USP8: variants seen among roughly 807,000 people sequenced by gnomAD.
USP8 encodes the protein ubiquitin carboxyl-terminal hydrolase 8.
A neutral mutation model predicts 130.0 loss-of-function variants in USP8; 27 were observed. The ratio of observed to expected loss-of-function variants is 0.21; its 90% CI spans 0.15 to 0.29. USP8 has a LOEUF of 0.29. Among genes scored for constraint, USP8 ranks in the 10% least tolerant of loss-of-function variants. The probability of loss-of-function intolerance (pLI) is 1.00; values close to 1 mark genes in which losing one functional copy is unlikely to be tolerated. For synonymous variants in USP8, 392 were observed against 444.1 expected, an observed-to-expected ratio of 0.88 and a Z score of 1.48; for missense variants, 1,029 against 1,312.2, an observed-to-expected ratio of 0.78 and a Z score of 3.33.
chr15:50,461,347 C>T (rs942523252), intron 5 of USP8, among the ~76,000 whole-genome samples: 1 of 151,272 alleles, frequency 6.6e-6, no homozygotes, highest in Non-Finnish European at 1.5e-5. Flanking sequence ...CCTGTAGTCC[C>T]AGCTACTCAG....
rs1472849583 is a variant in USP8 at position 50,507,333 on chromosome 15, T to G, written c.*8245T>G. ...ATCCAGTTCTATGCACTATATAACA[T>G]TTAGAACTCAGAAAAGGTGTATTTC... On this transcript the variant is annotated 3_prime_UTR_variant, in exon 20 of 20. Transcript: ENST00000307179. 1 of 152,176 alleles carries G rather than the reference T, an allele frequency of 6.6e-6. No homozygotes were observed. The highest frequency in any genetic ancestry group is 1.5e-5 in the Non-Finnish European group (1 of 68,036). 9.4% of individuals were successfully genotyped at this position (152,176 alleles called of 1,614,324 possible). A position where few individuals can be genotyped will look rare whatever the true frequency, so the allele number is the denominator to read the frequency against.
At position 50,441,519 on chromosome 15, in the gene USP8, T is replaced by G. The variant is rs2050260529; in HGVS notation, c.249+26T>G. On this transcript the variant is annotated intron_variant, in intron 3 of 19. Coordinates refer to ENST00000307179, the MANE Select transcript of USP8 (RefSeq NM_005154.5). ...GTACCTTTTATTTTTGCATTGTTAT[T>G]TCCTAAGTTATTTTGCATAATGGAG... The G allele has an allele frequency of 5.9e-6, 9 of 1,529,880 alleles. No homozygotes were observed. The East Asian group carries it at 2.1e-4, about 36-fold the overall frequency. The allele number at this position is 1,529,880 out of a possible 1,614,324, so 94.8% of individuals were successfully genotyped here. A position where few individuals can be genotyped will look rare whatever the true frequency, so the allele number is the denominator to read the frequency against.
At chr15:50,441,592 A>C (rs1378225162) in intron 3 of USP8, 99 bp downstream of exon 3, 1 of 1,000,210 alleles carries the variant, frequency 1.0e-6, no homozygotes, top group Non-Finnish European at 1.4e-6. Context: ...AATGTAGCTC[A>C]AATTATATGC....
chr15:50,510,115 T>C lies in USP8; in HGVS notation c.*11027T>C, dbSNP rs1466485992. On this transcript the variant is annotated 3_prime_UTR_variant, in exon 20 of 20. Coordinates refer to ENST00000307179, the MANE Select transcript of USP8 (RefSeq NM_005154.5). ...CGGAATTAGCCCAAATGTGAACAAA[T>C]TGACCAACAGACACACACAGCATAG... 2 of 152,170 alleles carry C rather than the reference T, an allele frequency of 1.3e-5. No individual in the cohort carries two copies. Among genetic ancestry groups the C allele is most frequent in the African/African-American group, 2.4e-5 (1 of 41,444 alleles). 9.4% of individuals were successfully genotyped at this position (152,170 alleles called of 1,614,324 possible).
intron 1 of USP8, among the ~76,000 whole-genome samples, chr15:50,434,716 A>T (rs1369745460): frequency 1.3e-5 from 2 of 151,950 alleles, no homozygotes; most frequent in African/African-American, 4.8e-5. Flanking sequence ...TCCTGGGTTC[A>T]AGTGATTTTT....
chr15:50,444,276 T>G (rs978770328), intron 3 of USP8, among the ~76,000 whole-genome samples: 1 of 151,788 alleles, frequency 6.6e-6, no homozygotes, highest in African/African-American at 2.4e-5. Context: ...GCCTAATTTT[T>G]GTATTTTTAG....
intron 1 of USP8, among the ~76,000 whole-genome samples, chr15:50,427,518 T>C (rs1432577176): frequency 6.6e-6 from 1 of 151,986 alleles, no homozygotes; most frequent in Non-Finnish European, 1.5e-5. Flanking sequence ...TGAAATATTA[T>C]ATTAAACTTA....
chr15:50,427,918 C>G (rs1567591240), intron 1 of USP8, among the ~76,000 whole-genome samples: 1 of 151,414 alleles, frequency 6.6e-6, no homozygotes, highest in Non-Finnish European at 1.5e-5. Flanking sequence ...AGTGCAGTGG[C>G]ATGACCTTGG....
At chr15:50,497,279 A>G in intron 18 of USP8, 48 bp downstream of exon 18, 1 of 1,553,844 alleles carries the variant, frequency 6.4e-7, no homozygotes, top group Non-Finnish European at 8.7e-7. Flanking sequence ...AAATGAGGGA[A>G]TTTTAAGTTC....
chr15:50,454,736 T>C (rs1343637599), intron 4 of USP8, among the ~76,000 whole-genome samples: 1 of 152,178 alleles, frequency 6.6e-6, no homozygotes, highest in Non-Finnish European at 1.5e-5. Context: ...ATTACAGATG[T>C]GAGCCACCAC....
chr15:50,427,690 G>A (rs1358184085), intron 1 of USP8, among the ~76,000 whole-genome samples: 1 of 151,116 alleles, frequency 6.6e-6, no homozygotes, highest in Non-Finnish European at 1.5e-5. Context: ...CTCCCGAGTA[G>A]CTGGGACTAT....
At chr15:50,431,737 A>G (rs2049937899) in intron 1 of USP8, among the ~76,000 whole-genome samples, 1 of 152,098 alleles carries the variant, frequency 6.6e-6, no homozygotes, top group Admixed American at 6.6e-5. Flanking sequence ...GCTCACTGCA[A>G]CCTCTGCCCC....
intron 3 of USP8, chr15:50,444,548 A>G (rs1004484015): frequency 2.0e-5 from 3 of 152,154 alleles, no homozygotes; most frequent in Non-Finnish European, 4.4e-5. Context: ...ACATTTAAAC[A>G]GATGAGATTT....
rs1414614941 is a variant in USP8 at position 50,492,705 on chromosome 15, ACATGTTATC to A, written c.2241_2249del (p.Cys748_Pro750del). On this transcript the variant is annotated inframe_deletion, in exon 15 of 20. Transcript: ENST00000307179. ...TGTATCCTTTTTCTTCCTCAGGCCA[ACATGTTATC>A]CTAAAGCTGAGATCTCAAGGCTTTC... 4 of 1,613,278 alleles carry A rather than the reference ACATGTTATC, an allele frequency of 2.5e-6. No homozygotes were observed. The highest frequency in any genetic ancestry group is 3.4e-6 in the Non-Finnish European group (4 of 1,179,976).
In USP8 at chr15:50,490,443, T is replaced by C. The variant is rs672601307; in HGVS notation, c.2152T>C (p.Ser718Pro). The stretch of plus-strand genomic sequence containing the variant: ...ACCTTCCAAACTGAAGCGCTCCTAC[T>C]CCTCCCCAGATATAACCCAGGCTAT... ...REPSKLKRSYSSPDITQAIQE... is the reference protein window; with the variant it reads ...REPSKLKRSYPSPDITQAIQE... Residue 718 changes from serine (S) to proline (P), a missense_variant, in exon 14 of 20, where the codon TCC (serine) becomes CCC (proline). Around this residue, in one of 4 missense-constraint regions of USP8, gnomAD observed 486 missense variants for 522.0 expected, o/e 0.93. Transcript: ENST00000307179. 1 of 1,614,074 alleles carries C rather than the reference T, an allele frequency of 6.2e-7. No individual in the cohort carries two copies. The highest frequency in any genetic ancestry group is 8.5e-7 in the Non-Finnish European group (1 of 1,180,014).
At chr15:50,490,547 G>A (rs2141317996) in intron 14 of USP8, 22 bp downstream of exon 14, 1 of 1,607,982 alleles carries the variant, frequency 6.2e-7, no homozygotes, top group South Asian at 1.1e-5. Context: ...TTAACTCCTA[G>A]AACTAAAATA....
chr15:50,503,500 A>G lies in USP8; in HGVS notation c.*4412A>G, dbSNP rs539540717. 4.6e-5 allele frequency: 7 copies of G among 152,346 alleles called. No homozygotes were observed. Among genetic ancestry groups the G allele is most frequent in the Admixed American group, 1.3e-4 (2 of 15,302 alleles). The allele number at this position is 152,346 out of a possible 1,614,324, so 9.4% of individuals were successfully genotyped here. A position where few individuals can be genotyped will look rare whatever the true frequency, so the allele number is the denominator to read the frequency against. ...CTACAAGGTGAGAAGTTGGATTGAGATCCACATACAAAGCCAGGACCTTTA... is the reference window on the plus strand; with the variant it reads ...CTACAAGGTGAGAAGTTGGATTGAGGTCCACATACAAAGCCAGGACCTTTA... On this transcript the variant is annotated 3_prime_UTR_variant, in exon 20 of 20. Transcript: ENST00000307179.
intron 4 of USP8, among the ~76,000 whole-genome samples, chr15:50,449,885 TA>T (rs2050565208): frequency 1.7e-5 from 2 of 118,836 alleles, no homozygotes. Context: ...CTGGCCCCAA[TA>T]TTTCTTTTTT....
intron 6 of USP8, chr15:50,463,545 C>T (rs139028977): frequency 3.9e-5 from 6 of 152,186 alleles, no homozygotes; most frequent in Non-Finnish European, 8.8e-5. Flanking sequence ...CAAAAGTAAA[C>T]TGAGTGTGCT....
Sources: gnomAD v4.1 joint callset for allele counts (sites outside exome capture counted in the v4.1 genomes callset) on GRCh38, gnomAD v4.1.1 for gene constraint, gnomAD v4.1.1 regional missense constraint, MANE v1.5 for transcripts, NCBI Gene and HGNC (gene_info 2026-07-23, HGNC 2026-07-21) for gene names.